The following NSRP1 variants were observed in gnomAD, a reference collection of about 807,000 sequenced individuals.
NSRP1 encodes the protein nuclear speckle splicing regulatory protein 1, also known as coiled-coil domain containing 55.
A neutral mutation model predicts 54.7 loss-of-function variants in NSRP1; 24 were observed. The ratio of observed to expected loss-of-function variants is 0.44; its 90% CI spans 0.32 to 0.62. The LOEUF (loss-of-function observed/expected upper bound fraction) is 0.62. NSRP1 is among the 20% of genes least tolerant of loss of function. The pLI, the probability that NSRP1 is intolerant of heterozygous loss-of-function variation, is 0.06. For missense variants in NSRP1, 596 were observed against 651.2 expected, an observed-to-expected ratio of 0.92 and a Z score of 0.92; for synonymous variants, 210 against 213.8, an observed-to-expected ratio of 0.98 and a Z score of 0.15.
At chr17:30,131,119 TACTC>T (rs1302941830) in intron 2 of NSRP1, among the ~76,000 whole-genome samples, 1 of 152,238 alleles carries the variant, frequency 6.6e-6, no homozygotes, top group South Asian at 2.1e-4. Context: ...TTAGGGAAAT[TACTC>T]AGTCTATGTC....
chr17:30,162,999 C>A (rs1452411168), intron 2 of NSRP1: 1 of 152,078 alleles, frequency 6.6e-6, no homozygotes, highest in East Asian at 1.9e-4. Flanking sequence ...CCTGCCTCAG[C>A]CTCCTGAGTA....
chr17:30,121,498 A>G (rs2071596183), intron 2 of NSRP1, among the ~76,000 whole-genome samples: 1 of 145,344 alleles, frequency 6.9e-6, no homozygotes, highest in South Asian at 2.2e-4. Context: ...TTAAAAAAAT[A>G]TATAATTCAC....
chr17:30,171,498 G>T (rs562572594), intron 2 of NSRP1, among the ~76,000 whole-genome samples: 1 of 151,772 alleles, frequency 6.6e-6, no homozygotes, highest in Non-Finnish European at 1.5e-5. Context: ...TAGAGACGGG[G>T]TTTCACCATG....
rs1388770319 is a variant in NSRP1 at position 30,133,150 on chromosome 17, A to G, written c.114+14977A>G. Among the ~76,000 whole-genome samples, 17 of 136,308 alleles carry G rather than the reference A, an allele frequency of 1.2e-4. 2 individuals carry two copies. In the Admixed American group the frequency reaches 1.4e-3, roughly 11 times the overall value. 89.4% of individuals were successfully genotyped at this position (136,308 alleles called of 152,430 possible). ...TTTTTTTGGTAGAGACAGGGGTCTCACCATGTTGCCCAGTATGGTCTCAAA... is the reference window on the plus strand; with the variant it reads ...TTTTTTTGGTAGAGACAGGGGTCTCGCCATGTTGCCCAGTATGGTCTCAAA... On this transcript the variant is annotated intron_variant, in intron 2 of 6. Transcript: ENST00000247026.
intron 2 of NSRP1, among the ~76,000 whole-genome samples, chr17:30,119,310 T>A (rs1234265474): frequency 6.6e-6 from 1 of 151,790 alleles, no homozygotes; most frequent in Non-Finnish European, 1.5e-5. Context: ...TTTTTGTATT[T>A]AGTAGATTTT....
At chr17:30,130,180 C>G (rs2071686833) in intron 2 of NSRP1, among the ~76,000 whole-genome samples, 1 of 152,172 alleles carries the variant, frequency 6.6e-6, no homozygotes, top group African/African-American at 2.4e-5. Flanking sequence ...ACTGTAGCCT[C>G]AACCTCCTGG....
intron 2 of NSRP1, among the ~76,000 whole-genome samples, chr17:30,152,779 C>G (rs1863745080): frequency 6.6e-6 from 1 of 151,308 alleles, no homozygotes; most frequent in Non-Finnish European, 1.5e-5. Context: ...TCCTCAGTAT[C>G]TGGTAACCTA....
At chr17:30,117,236 T>G (rs8067576) in intron 1 of NSRP1, 1 of 614,534 alleles carries the variant, frequency 1.6e-6, no homozygotes, top group Non-Finnish European at 3.0e-6. Flanking sequence ...CCTGGCTTCC[T>G]TAGAGGGCCT....
chr17:30,175,997 C>T (rs968365694), intron 3 of NSRP1, among the ~76,000 whole-genome samples: 12 of 110,616 alleles, frequency 1.1e-4, no homozygotes, highest in Admixed American at 4.8e-4. Flanking sequence ...AGCAAGACTC[C>T]GAACCCCCCC....
rs762578723 is a variant in NSRP1 at position 30,184,785 on chromosome 17, CTA to C, written c.789_790del (p.Arg264SerfsTer13). 6.2e-7 allele frequency: 1 copy of C among 1,613,884 alleles called. No individual in the cohort carries two copies. Among genetic ancestry groups the C allele is most frequent in the South Asian group, 1.1e-5 (1 of 91,016 alleles). On this transcript the variant is annotated frameshift_variant, in exon 7 of 7. Transcript: ENST00000247026. LOFTEE classifies it high-confidence loss of function. ...AGTGCGGATGATGAAATAGAAGAAA[CTA>C]GAGTGAACTGCAGAAGGGAAAAGGT...
chr17:30,154,080 G>T (rs970799705), intron 2 of NSRP1, among the ~76,000 whole-genome samples: 2 of 152,090 alleles, frequency 1.3e-5, no homozygotes, highest in Non-Finnish European at 2.9e-5. Context: ...ACTTTGGGAG[G>T]CCGAGGCAGG....
At chr17:30,183,062 C>T (rs1905370797) in intron 6 of NSRP1, among the ~76,000 whole-genome samples, 1 of 152,074 alleles carries the variant, frequency 6.6e-6, no homozygotes, top group South Asian at 2.1e-4. Context: ...GGACAGCTCA[C>T]ATATGAACAT....
intron 2 of NSRP1, among the ~76,000 whole-genome samples, chr17:30,142,301 A>G (rs1390184991): frequency 6.6e-6 from 1 of 152,092 alleles, no homozygotes; most frequent in Non-Finnish European, 1.5e-5. Context: ...GTAAAGACTC[A>G]TTACTTTTTT....
At chr17:30,163,519 T>G (rs1425104429) in intron 2 of NSRP1, among the ~76,000 whole-genome samples, 1 of 152,084 alleles carries the variant, frequency 6.6e-6, no homozygotes, top group Non-Finnish European at 1.5e-5. Flanking sequence ...TATGTCTCCC[T>G]TTTAGGTCAT....
intron 2 of NSRP1, among the ~76,000 whole-genome samples, chr17:30,167,454 C>T (rs1904774549): frequency 6.6e-6 from 1 of 151,890 alleles, no homozygotes; most frequent in Admixed American, 6.6e-5. Context: ...ACTAAAAATA[C>T]AAAAATTAGC....
intron 2 of NSRP1, among the ~76,000 whole-genome samples, chr17:30,162,032 T>C (rs1904534395): frequency 6.6e-6 from 1 of 151,280 alleles, no homozygotes; most frequent in Admixed American, 6.6e-5. Flanking sequence ...GTCTTTTTTT[T>C]TTTTTTTGAG....
intron 2 of NSRP1, among the ~76,000 whole-genome samples, chr17:30,155,562 T>TG (rs2071954084): frequency 1.3e-5 from 2 of 152,152 alleles, no homozygotes; most frequent in African/African-American, 4.8e-5. Flanking sequence ...TTTTAAGAGA[T>TG]GGGGTCTCAC....
rs1485203990 is a variant in NSRP1, at chr17:30,185,267, A to AG, written c.1272dup (p.Lys425GlufsTer5). On this transcript the variant is annotated frameshift_variant, in exon 7 of 7. Transcript: ENST00000247026. LOFTEE classifies it high-confidence loss of function. ...AGCAAAGGAAGAGCATATGAAAGTA[A>AG]GGAAGGAAAGATATGAAAATAATGA... is the stretch of plus-strand genomic sequence containing the variant. The AG allele has an allele frequency of 6.2e-7, 1 of 1,600,046 alleles. No individual in the cohort carries two copies. Among genetic ancestry groups the AG allele is most frequent in the East Asian group, 2.2e-5 (1 of 44,502 alleles).
intron 5 of NSRP1, among the ~76,000 whole-genome samples, chr17:30,180,418 A>T (rs1160035743): frequency 1.3e-5 from 2 of 152,156 alleles, no homozygotes; most frequent in African/African-American, 4.8e-5. Flanking sequence ...AGCCTCCCAA[A>T]GTTGTAGGAT....
Sources: gnomAD v4.1 joint callset for allele counts (sites outside exome capture counted in the v4.1 genomes callset) on GRCh38, gnomAD v4.1.1 for gene constraint, MANE v1.5 for transcripts, NCBI Gene and HGNC (gene_info 2026-07-23, HGNC 2026-07-21) for gene names.